KIF4A: variants seen among roughly 807,000 people sequenced by gnomAD.
KIF4A encodes chromosome-associated kinesin KIF4A.
KIF4A carries 7 observed loss-of-function variants against 105.9 expected under a neutral mutation model. The observed-to-expected ratio is 0.07, with a 90% confidence interval of 0.04 to 0.12. The LOEUF (loss-of-function observed/expected upper bound fraction) is 0.12, where lower values mean the gene tolerates loss of function less well. KIF4A is among the 10% of genes least tolerant of loss of function. The pLI, the probability that KIF4A is intolerant of heterozygous loss-of-function variation, is 1.00. For synonymous variants in KIF4A, 281 were observed against 331.3 expected, an observed-to-expected ratio of 0.85 and a Z score of 1.65; for missense variants, 558 against 929.2, an observed-to-expected ratio of 0.60 and a Z score of 5.19.
intron 15 of KIF4A, among the ~76,000 whole-genome samples, chrX:70,366,484 T>C (rs1275085454): frequency 3.6e-5 from 4 of 112,435 alleles, no homozygotes; most frequent in Non-Finnish European, 7.5e-5. Context: ...AACATCTTTA[T>C]TTCTGCCTTC....
intron 7 of KIF4A, 46 bp from the exon 8 acceptor site, chrX:70,329,359 G>T (rs1245840470): frequency 7.5e-6 from 8 of 1,072,838 alleles, no homozygotes; most frequent in Non-Finnish European, 1.0e-5. Flanking sequence ...ATAGGTATAT[G>T]TTGGATGCAT....
rs780078341 is a variant in KIF4A, at chrX:70,317,088, A to G, written c.779-12317A>G. 4.5e-5 allele frequency among the ~76,000 whole-genome samples: 5 copies of G among 112,158 alleles called. No individual in the cohort carries two copies. In the South Asian group the frequency reaches 1.9e-3, roughly 42 times the overall value. On this transcript the variant is annotated intron_variant, in intron 7 of 30. Coordinates refer to ENST00000374403, the MANE Select transcript of KIF4A (RefSeq NM_012310.5). Reference sequence around the variant, plus strand: ...TTACAATATAGTATTCCACTGATGAATGTACCACAATTTATCCTCTTTACT... The same window carrying G: ...TTACAATATAGTATTCCACTGATGAGTGTACCACAATTTATCCTCTTTACT...
intron 22 of KIF4A, among the ~76,000 whole-genome samples, chrX:70,398,450 G>A (rs2086268766): frequency 8.9e-6 from 1 of 112,118 alleles, no homozygotes; most frequent in African/African-American, 3.2e-5. Context: ...TTAGAGGTGA[G>A]TTTAGTTAGG....
chrX:70,392,194 G>A (rs753677318), intron 20 of KIF4A, among the ~76,000 whole-genome samples: 4 of 111,624 alleles, frequency 3.6e-5, no homozygotes, highest in Admixed American at 1.9e-4. Flanking sequence ...AAGTGTAGTC[G>A]TTTCTCTTCA....
intron 17 of KIF4A, 119 bp downstream of exon 17, chrX:70,375,467 A>G: frequency 1.4e-6 from 1 of 700,108 alleles, no homozygotes; most frequent in Non-Finnish European, 2.1e-6. Context: ...CAATCATTTC[A>G]AGTGTGTGAA....
At chrX:70,402,733 G>A (rs1375120698) in intron 23 of KIF4A, 38 bp downstream of exon 23, 1 of 1,189,518 alleles carries the variant, frequency 8.4e-7, no homozygotes, top group Non-Finnish European at 1.1e-6. Flanking sequence ...GAGGCTGGCT[G>A]TGTAGGTTGA....
intron 29 of KIF4A, among the ~76,000 whole-genome samples, chrX:70,418,928 C>CA (rs768667875): frequency 2.7e-5 from 3 of 110,623 alleles, no homozygotes; most frequent in Admixed American, 1.9e-4. Flanking sequence ...ACTAAAAATA[C>CA]AAAAAAATTA....
At chrX:70,338,524 G>A (rs764684724) in intron 10 of KIF4A, among the ~76,000 whole-genome samples, 13 of 111,857 alleles carry the variant, frequency 1.2e-4, no homozygotes, top group Non-Finnish European at 2.1e-4. Flanking sequence ...TAGATAGGCC[G>A]TATTTGTCCA....
intron 3 of KIF4A, among the ~76,000 whole-genome samples, chrX:70,291,689 G>T (rs2085761616): frequency 1.8e-5 from 2 of 111,657 alleles, no homozygotes; most frequent in Admixed American, 1.9e-4. Context: ...AGTTGAAAGA[G>T]ACATTTGTAT....
chrX:70,365,852 G>A (rs1445170422), intron 15 of KIF4A, among the ~76,000 whole-genome samples: 2 of 111,478 alleles, frequency 1.8e-5, no homozygotes, highest in African/African-American at 3.3e-5. Context: ...GGTAGAATTC[G>A]GCTGTGAATC....
chrX:70,384,974 T>C (rs1313300260), intron 18 of KIF4A, among the ~76,000 whole-genome samples: 1 of 109,402 alleles, frequency 9.1e-6, no homozygotes, highest in Non-Finnish European at 1.9e-5. Flanking sequence ...AATTTTTTTT[T>C]GTATTTTTAG....
intron 24 of KIF4A, 40 bp from the exon 25 acceptor site, chrX:70,404,675 G>A: frequency 9.7e-7 from 1 of 1,030,383 alleles, no homozygotes; most frequent in Non-Finnish European, 1.3e-6. Flanking sequence ...TTTCCCCTTG[G>A]TACCTTTGTT....
intron 20 of KIF4A, among the ~76,000 whole-genome samples, chrX:70,390,160 A>G (rs1023184556): frequency 1.1e-4 from 12 of 111,845 alleles, no homozygotes; most frequent in African/African-American, 3.9e-4. Flanking sequence ...TTGTTTAGAT[A>G]TTCTTGTTGG....
At position 70,293,326 on chromosome X, in the gene KIF4A, G is replaced by A. The variant is rs779698144; in HGVS notation, c.235+2521G>A. 1.2e-3 allele frequency among the ~76,000 whole-genome samples: 134 copies of A among 112,439 alleles called. 2 individuals are homozygous for A. The highest frequency in any genetic ancestry group is 1.0e-3 in the Non-Finnish European group (55 of 53,277). ...ACATAAATATGATGATCATTTAACA[G>A]AGAAAGCTTGCTTTGTGTTCCTTGA... On this transcript the variant is annotated intron_variant, in intron 3 of 30. Coordinates refer to ENST00000374403, the MANE Select transcript of KIF4A (RefSeq NM_012310.5).
intron 10 of KIF4A, among the ~76,000 whole-genome samples, chrX:70,336,211 C>A (rs2085949926): frequency 8.9e-6 from 1 of 111,844 alleles, no homozygotes; most frequent in African/African-American, 3.3e-5. Context: ...GTGCATAGTA[C>A]TTTTATTGTG....
At chrX:70,382,492 C>T (rs1008808212) in intron 18 of KIF4A, among the ~76,000 whole-genome samples, 2 of 111,779 alleles carry the variant, frequency 1.8e-5, no homozygotes, top group African/African-American at 6.5e-5. Context: ...CCTAAACGTA[C>T]GAGCTAAAAC....
chrX:70,401,958 T>C lies in KIF4A; in HGVS notation c.2490-608T>C, dbSNP rs1304275614. On this transcript the variant is annotated intron_variant, in intron 22 of 30. Transcript: ENST00000374403. ...AGAAATTTGAGAAGAAAGCTATTAA[T>C]TAAACTGAAATACTGTGTAGATTTT... 5.4e-5 allele frequency among the ~76,000 whole-genome samples: 6 copies of C among 111,681 alleles called. No homozygotes were observed. In the Admixed American group the frequency reaches 5.7e-4, roughly 11 times the overall value.
chrX:70,340,026 T>G (rs897432561), intron 10 of KIF4A, among the ~76,000 whole-genome samples: 1 of 111,316 alleles, frequency 9.0e-6, no homozygotes, highest in Non-Finnish European at 1.9e-5. Flanking sequence ...TCCAGTATTC[T>G]CTGCATTCAT....
chrX:70,292,125 C>T (rs2085763602), intron 3 of KIF4A, among the ~76,000 whole-genome samples: 1 of 111,433 alleles, frequency 9.0e-6, no homozygotes, highest in Admixed American at 9.5e-5. Flanking sequence ...GCCTGATAAC[C>T]CCCCATACTT....
Sources: allele counts gnomAD v4.1 joint callset (sites outside exome capture counted in the v4.1 genomes callset), GRCh38; gene constraint gnomAD v4.1.1; transcripts MANE v1.5; gene names NCBI Gene and HGNC (gene_info 2026-07-23, HGNC 2026-07-21).